Variants in SEMA3A observed in about 807,000 individuals in gnomAD.
SEMA3A encodes the protein semaphorin-3A.
SEMA3A carries 29 observed loss-of-function variants against 97.9 expected under a neutral mutation model. The ratio of observed to expected loss-of-function variants is 0.30; its 90% confidence interval spans 0.22 to 0.40. SEMA3A has a LOEUF of 0.40. Among genes scored for constraint, SEMA3A ranks in the 10% least tolerant of loss-of-function variants. The pLI is 1.00. For missense variants in SEMA3A, 763 were observed against 951.3 expected, an observed-to-expected ratio of 0.80 and a Z score of 2.60; for synonymous variants, 321 against 323.7, an observed-to-expected ratio of 0.99 and a Z score of 0.09.
intron 6 of SEMA3A, among the ~76,000 whole-genome samples, chr7:84,017,278 T>C (rs1162530109): frequency 6.6e-6 from 1 of 152,182 alleles, no homozygotes; most frequent in Non-Finnish European, 1.5e-5. Context: ...AAATGTGGAC[T>C]CTAGTGGGAA....
intron 1 of SEMA3A, among the ~76,000 whole-genome samples, chr7:84,402,160 C>T (rs1417299025): frequency 6.6e-6 from 1 of 151,844 alleles, no homozygotes; most frequent in Non-Finnish European, 1.5e-5. Flanking sequence ...ACAAACAAAA[C>T]AAAACAAAAC....
chr7:84,256,260 A>C (rs77356011), intron 3 of SEMA3A, among the ~76,000 whole-genome samples: 4,177 of 152,178 alleles, frequency 0.027, 197 homozygotes, highest in African/African-American at 0.095. Context: ...TAGTACCTAT[A>C]GATGTACTAT....
At chr7:84,145,458 A>G in intron 1 of SEMA3A, among the ~76,000 whole-genome samples, 1 of 152,326 alleles carries the variant, frequency 6.6e-6, no homozygotes, top group Admixed American at 6.5e-5. Context: ...ATATAAAAAT[A>G]TCTAAGAAAA....
chr7:84,068,085 A>G (rs1001815944), intron 4 of SEMA3A, among the ~76,000 whole-genome samples: 1 of 121,566 alleles, frequency 8.2e-6, no homozygotes, highest in Non-Finnish European at 1.6e-5. Context: ...ATGGAATACT[A>G]TGCAGCCATA....
intron 14 of SEMA3A, among the ~76,000 whole-genome samples, chr7:83,980,535 G>A (rs1177973279): frequency 6.8e-6 from 1 of 147,244 alleles, no homozygotes; most frequent in African/African-American, 2.5e-5. Context: ...AACCTGGGAG[G>A]CAGAGGTTGC....
chr7:84,047,923 T>G (rs1792419994), intron 5 of SEMA3A, among the ~76,000 whole-genome samples: 1 of 152,014 alleles, frequency 6.6e-6, no homozygotes, highest in Admixed American at 6.6e-5. Context: ...CTCGCTTATA[T>G]GTCTGAATAG....
chr7:84,237,507 C>A (rs1008624365), intron 3 of SEMA3A, among the ~76,000 whole-genome samples: 25 of 151,962 alleles, frequency 1.6e-4, no homozygotes, highest in Admixed American at 6.6e-5. Context: ...GAGGGACAGA[C>A]AAAAGTAATA....
chr7:84,308,300 A>G (rs1047603652), intron 2 of SEMA3A, among the ~76,000 whole-genome samples: 3 of 152,170 alleles, frequency 2.0e-5, no homozygotes, highest in Admixed American at 6.6e-5. Flanking sequence ...AATTATTTTA[A>G]GCAAAGAATT....
intron 12 of SEMA3A, among the ~76,000 whole-genome samples, chr7:83,992,541 A>G (rs923407221): frequency 3.3e-5 from 5 of 152,074 alleles, no homozygotes; most frequent in African/African-American, 1.2e-4. Context: ...TTGGTTTCAA[A>G]GAACATCTTT....
intron 4 of SEMA3A, among the ~76,000 whole-genome samples, chr7:84,090,858 G>C (rs956468471): frequency 2.0e-5 from 3 of 151,742 alleles, no homozygotes; most frequent in African/African-American, 7.3e-5. Flanking sequence ...CTTGAGGCCA[G>C]GGGTTCAAGA....
intron 2 of SEMA3A, among the ~76,000 whole-genome samples, chr7:84,360,184 T>C (rs1023007267): frequency 3.3e-5 from 5 of 152,260 alleles, no homozygotes; most frequent in Non-Finnish European, 7.3e-5. Flanking sequence ...CTGCTAGCTT[T>C]TGAATGTGTT....
chr7:84,237,876 A>G (rs2116372247), intron 3 of SEMA3A, among the ~76,000 whole-genome samples: 1 of 152,300 alleles, frequency 6.6e-6, no homozygotes, highest in African/African-American at 2.4e-5. Flanking sequence ...TTCTGTGAGA[A>G]TGCAGATTAG....
At chr7:84,191,966 A>T (rs1377768051) in intron 1 of SEMA3A, among the ~76,000 whole-genome samples, 1 of 151,894 alleles carries the variant, frequency 6.6e-6, no homozygotes, top group African/African-American at 2.4e-5. Context: ...TCTTTTTAAC[A>T]TGTCAAGTCT....
intron 4 of SEMA3A, among the ~76,000 whole-genome samples, chr7:84,064,304 A>G (rs959069305): frequency 3.3e-5 from 5 of 152,116 alleles, no homozygotes; most frequent in African/African-American, 1.2e-4. Context: ...GGTACCAGCC[A>G]CTGCAAAATC....
intron 3 of SEMA3A, among the ~76,000 whole-genome samples, chr7:84,121,583 GCCACATTTTCTTAATCCA>G (rs1795618832): frequency 7.4e-6 from 1 of 135,106 alleles, no homozygotes; most frequent in South Asian, 2.6e-4. Context: ...GTGTATATGT[GCCACATTTTCTTAATCCA>G]GTCTATCATT....
intron 3 of SEMA3A, among the ~76,000 whole-genome samples, chr7:84,279,117 AAT>A (rs1363833385): frequency 6.6e-6 from 1 of 152,166 alleles, no homozygotes; most frequent in East Asian, 1.9e-4. Context: ...AAATGGATAT[AAT>A]GTGATTAAGA....
chr7:84,283,179 G>C (rs7792146), intron 3 of SEMA3A, among the ~76,000 whole-genome samples: 11,114 of 152,024 alleles, frequency 0.073, 1,389 homozygotes, highest in African/African-American at 0.25. Context: ...TTGGCTTCCA[G>C]ACTTACTGGA....
At chr7:84,311,865 T>A (rs73711515) in intron 2 of SEMA3A, among the ~76,000 whole-genome samples, 1 of 152,000 alleles carries the variant, frequency 6.6e-6, no homozygotes, top group East Asian at 1.9e-4. Context: ...TACAGACAAT[T>A]GTAATGAAGT....
chr7:84,377,494 G>T (rs1803133120), intron 1 of SEMA3A, among the ~76,000 whole-genome samples: 1 of 152,010 alleles, frequency 6.6e-6, no homozygotes, highest in South Asian at 2.1e-4. Flanking sequence ...ATGCTGTTTG[G>T]GTTACTATAG....
Sources: allele counts gnomAD v4.1 joint callset (sites outside exome capture counted in the v4.1 genomes callset), GRCh38; gene constraint gnomAD v4.1.1; transcripts MANE v1.5; gene names NCBI Gene and HGNC (gene_info 2026-07-23, HGNC 2026-07-21).